Variants in RFX3 observed in about 807,000 individuals in gnomAD.
RFX3 encodes transcription factor RFX3.
RFX3 carries 14 observed loss-of-function variants against 98.6 expected under a neutral mutation model. That is an observed-to-expected ratio of 0.14 (90% CI 0.09 to 0.22). The LOEUF (loss-of-function observed/expected upper bound fraction) is 0.22. RFX3 is among the 10% of genes least tolerant of loss of function. The probability of loss-of-function intolerance (pLI) is 1.00; values close to 1 mark genes in which losing one functional copy is unlikely to be tolerated. For missense variants in RFX3, 639 were observed against 926.9 expected, an observed-to-expected ratio of 0.69 and a Z score of 4.03; for synonymous variants, 383 against 328.4, an observed-to-expected ratio of 1.17 and a Z score of -1.80.
chr9:3,420,296 C>G (rs551489943), intron 1 of RFX3, among the ~76,000 whole-genome samples: 18 of 152,138 alleles, frequency 1.2e-4, no homozygotes, highest in Non-Finnish European at 2.6e-4. Flanking sequence ...GTTCATGAAA[C>G]CAAATGCCCC....
intron 1 of RFX3, among the ~76,000 whole-genome samples, chr9:3,419,944 C>T (rs1587606401): frequency 6.6e-6 from 1 of 152,296 alleles, no homozygotes; most frequent in African/African-American, 2.4e-5. Flanking sequence ...CCAACACAAC[C>T]TCTGCATGTG....
At chr9:3,487,947 A>G (rs1850410458) in intron 1 of RFX3, among the ~76,000 whole-genome samples, 1 of 152,156 alleles carries the variant, frequency 6.6e-6, no homozygotes, top group Admixed American at 6.5e-5. Context: ...GGAAAAGCTA[A>G]ATAAGATGCT....
At chr9:3,487,017 G>T (rs1850338497) in intron 1 of RFX3, among the ~76,000 whole-genome samples, 1 of 152,048 alleles carries the variant, frequency 6.6e-6, no homozygotes, top group Admixed American at 6.6e-5. Flanking sequence ...TCATAACCTA[G>T]AATTTTCTCT....
intron 3 of RFX3, among the ~76,000 whole-genome samples, chr9:3,342,016 T>C (rs116995896): frequency 0.019 from 2,869 of 152,320 alleles, 39 homozygotes; most frequent in Middle Eastern, 0.031. Flanking sequence ...ATTGAAGAAA[T>C]ATTCCTTTTA....
At chr9:3,329,407 C>CAAAAAAAAAAAAAAAAAAAAAAAAAA (rs1202028884) in intron 4 of RFX3, among the ~76,000 whole-genome samples, 3 of 38,138 alleles carry the variant, frequency 7.9e-5, no homozygotes, top group Non-Finnish European at 9.4e-5. Flanking sequence ...GACTTCATCT[C>CAAAAAAAAAAAAAAAAAAAAAAAAAA]AAAAAAAAAA....
chr9:3,467,420 ATC>A (rs961144581), intron 1 of RFX3, among the ~76,000 whole-genome samples: 6 of 151,088 alleles, frequency 4.0e-5, no homozygotes, highest in African/African-American at 1.5e-4. Context: ...TAAAAGACTA[ATC>A]TCTATATCAT....
chr9:3,252,825 TATA>T (rs1262778969), intron 14 of RFX3, among the ~76,000 whole-genome samples: 2 of 152,216 alleles, frequency 1.3e-5, no homozygotes, highest in African/African-American at 4.8e-5. Context: ...GATCCTCAAT[TATA>T]ATACCTAGTT....
chr9:3,502,380 G>C (rs1816122036), intron 1 of RFX3, among the ~76,000 whole-genome samples: 1 of 151,956 alleles, frequency 6.6e-6, no homozygotes, highest in African/African-American at 2.4e-5. Flanking sequence ...TAATGAAAAG[G>C]TACCTTGAAG....
chr9:3,277,173 C>T (rs1038268865), intron 8 of RFX3, among the ~76,000 whole-genome samples, 167 bp downstream of exon 8: 16 of 151,826 alleles, frequency 1.1e-4, no homozygotes, highest in East Asian at 3.9e-4. Flanking sequence ...CTAATAAACA[C>T]GAAAGGCAGA....
chr9:3,500,680 T>C (rs922529200), intron 1 of RFX3, among the ~76,000 whole-genome samples: 1 of 152,162 alleles, frequency 6.6e-6, no homozygotes, highest in Non-Finnish European at 1.5e-5. Flanking sequence ...TTAAAATTGA[T>C]ATTTCCCAAA....
chr9:3,231,151 G>T (rs1303160713), intron 15 of RFX3, among the ~76,000 whole-genome samples: 3 of 152,262 alleles, frequency 2.0e-5, no homozygotes, highest in Admixed American at 2.0e-4. Flanking sequence ...AAGAATGTCA[G>T]AGACACTGTC....
At chr9:3,236,040 C>T (rs1028661297) in intron 15 of RFX3, among the ~76,000 whole-genome samples, 6 of 152,002 alleles carry the variant, frequency 3.9e-5, no homozygotes, top group African/African-American at 1.2e-4. Context: ...GAAACACATC[C>T]AACCCGATTA....
chr9:3,280,992 A>G (rs1048554262), intron 7 of RFX3, among the ~76,000 whole-genome samples: 86 of 151,972 alleles, frequency 5.7e-4, no homozygotes, highest in African/African-American at 2.0e-3. Context: ...TTGAATGAAT[A>G]AATGTTTAAG....
chr9:3,378,685 T>C (rs1222921183), intron 2 of RFX3, among the ~76,000 whole-genome samples: 1 of 151,550 alleles, frequency 6.6e-6, no homozygotes, highest in Admixed American at 6.6e-5. Flanking sequence ...CCTTCCCAAG[T>C]AGCTAGGGTT....
At chr9:3,503,575 G>C (rs750093681) in intron 1 of RFX3, among the ~76,000 whole-genome samples, 1 of 151,980 alleles carries the variant, frequency 6.6e-6, no homozygotes, top group Non-Finnish European at 1.5e-5. Flanking sequence ...TGTGACACTA[G>C]TACACAGAAA....
intron 1 of RFX3, among the ~76,000 whole-genome samples, chr9:3,429,963 A>G (rs955062074): frequency 6.6e-6 from 1 of 152,150 alleles, no homozygotes; most frequent in Non-Finnish European, 1.5e-5. Context: ...GACAACTCTT[A>G]AAGTCTCAAA....
chr9:3,218,864 T>C lies in RFX3; in HGVS notation c.*6178A>G, dbSNP rs1354959604. The C allele has an allele frequency of 6.6e-6, 1 of 152,138 alleles. No individual in the cohort carries two copies. The highest frequency in any genetic ancestry group is 1.5e-5 in the Non-Finnish European group (1 of 68,002). The allele number at this position is 152,138 out of a possible 1,614,324, so 9.4% of individuals were successfully genotyped here. On this transcript the variant is annotated 3_prime_UTR_variant, in exon 17 of 17. Coordinates refer to ENST00000617270, the MANE Select transcript of RFX3 (RefSeq NM_001282116.2). ...TTTCTGTGCTTGTGGGACTGAATAA[T>C]GTAATCTGCCACTTACTAAGTGAAA...
chr9:3,470,348 T>C (rs1445535605), intron 1 of RFX3, among the ~76,000 whole-genome samples: 1 of 149,918 alleles, frequency 6.7e-6, no homozygotes, highest in Non-Finnish European at 1.5e-5. Flanking sequence ...GGAGTCTCAC[T>C]CTGTCGCCCA....
At chr9:3,241,231 T>C (rs909699085) in intron 15 of RFX3, among the ~76,000 whole-genome samples, 1 of 151,776 alleles carries the variant, frequency 6.6e-6, no homozygotes, top group African/African-American at 2.4e-5. Context: ...TTTGTTTTTT[T>C]TTTTTTTGCC....
Sources: allele counts gnomAD v4.1 joint callset (sites outside exome capture counted in the v4.1 genomes callset), GRCh38; gene constraint gnomAD v4.1.1; transcripts MANE v1.5; gene names NCBI Gene and HGNC (gene_info 2026-07-23, HGNC 2026-07-21).